The following CHCHD3 variants were observed in gnomAD, a reference collection of about 807,000 sequenced individuals.
The protein encoded by CHCHD3 is coiled-coil-helix-coiled-coil-helix domain containing 3, also known as MICOS complex subunit MIC19.
CHCHD3 carries 20 observed loss-of-function variants against 38.2 expected under a neutral mutation model. The observed-to-expected ratio is 0.52, with a 90% CI of 0.37 to 0.76. The LOEUF (loss-of-function observed/expected upper bound fraction) is 0.76. Among genes scored for constraint, CHCHD3 ranks in the 30% least tolerant of loss-of-function variants. The pLI, the probability that CHCHD3 is intolerant of heterozygous loss-of-function variation, is 0.00. For synonymous variants in CHCHD3, 82 were observed against 100.0 expected (o/e 0.82, Z 1.07); for missense variants, 245 against 279.2 (o/e 0.88, Z 0.87).
At position 132,806,105 on chromosome 7, in the gene CHCHD3, G is replaced by A. The variant is rs73160274; in HGVS notation, c.525-9528C>T. Among the ~76,000 whole-genome samples, 1,118 of 152,260 alleles carry A rather than the reference G, an allele frequency of 7.3e-3. 8 individuals carry two copies. The highest frequency in any genetic ancestry group is 0.012 in the Non-Finnish European group (808 of 68,032). On this transcript the variant is annotated intron_variant, in intron 6 of 7. Coordinates refer to ENST00000262570, the MANE Select transcript of CHCHD3 (RefSeq NM_017812.4). Reference sequence around the variant, plus strand: ...CCTGGGGGTGACAGGGAAGGAAGATGGAGCAGTAGGGGAACTGACCGTGGA... The same window carrying A: ...CCTGGGGGTGACAGGGAAGGAAGATAGAGCAGTAGGGGAACTGACCGTGGA...
intron 4 of CHCHD3, among the ~76,000 whole-genome samples, chr7:132,930,209 C>G (rs995156804): frequency 6.7e-6 from 1 of 148,220 alleles, no homozygotes; most frequent in East Asian, 2.0e-4. Flanking sequence ...TTCTGTTACC[C>G]AGGCTGGAGT....
chr7:132,796,011 T>C (rs902659614), intron 7 of CHCHD3, among the ~76,000 whole-genome samples: 5 of 151,204 alleles, frequency 3.3e-5, no homozygotes, highest in Non-Finnish European at 4.4e-5. Flanking sequence ...GGACAGTGAC[T>C]GAACGGTGGT....
At chr7:132,809,413 C>T (rs544331619) in intron 6 of CHCHD3, among the ~76,000 whole-genome samples, 1 of 152,118 alleles carries the variant, frequency 6.6e-6, no homozygotes, top group East Asian at 1.9e-4. Context: ...AGTCTATCTG[C>T]CTCAGCTGCC....
chr7:133,001,792 T>C (rs993350079), intron 3 of CHCHD3, among the ~76,000 whole-genome samples: 2 of 152,172 alleles, frequency 1.3e-5, no homozygotes, highest in Admixed American at 1.3e-4. Flanking sequence ...ACTATACAAC[T>C]AGGAAACGAT....
At chr7:132,977,126 T>C (rs1326712529) in intron 3 of CHCHD3, among the ~76,000 whole-genome samples, 2 of 152,190 alleles carry the variant, frequency 1.3e-5, no homozygotes, top group Non-Finnish European at 2.9e-5. Context: ...TTAACACCAC[T>C]GGATATGTGT....
chr7:132,961,018 C>A (rs1238206217), intron 4 of CHCHD3, among the ~76,000 whole-genome samples: 1 of 152,104 alleles, frequency 6.6e-6, no homozygotes, highest in African/African-American at 2.4e-5. Flanking sequence ...GCATCTCACA[C>A]CTGTCATCCC....
intron 2 of CHCHD3, among the ~76,000 whole-genome samples, chr7:133,030,075 C>T (rs184321599): frequency 1.3e-5 from 2 of 150,912 alleles, no homozygotes; most frequent in African/African-American, 4.8e-5. Context: ...AAGTAATTAC[C>T]TTAGCTACAA....
At chr7:132,822,113 T>A (rs13243820) in intron 6 of CHCHD3, among the ~76,000 whole-genome samples, 1 of 152,216 alleles carries the variant, frequency 6.6e-6, no homozygotes, top group Non-Finnish European at 1.5e-5. Flanking sequence ...ATTTGTCTTG[T>A]CGTCTGTTAG....
chr7:132,805,606 C>T (rs1386338765), intron 6 of CHCHD3, among the ~76,000 whole-genome samples: 1 of 152,048 alleles, frequency 6.6e-6, no homozygotes, highest in Non-Finnish European at 1.5e-5. Context: ...AAGCCACTGG[C>T]CTTTCTAAAT....
intron 2 of CHCHD3, among the ~76,000 whole-genome samples, chr7:133,056,066 T>G (rs1689533674): frequency 6.6e-6 from 1 of 151,956 alleles, no homozygotes; most frequent in Non-Finnish European, 1.5e-5. Context: ...GAGGATTGTT[T>G]GCACCCAGAA....
chr7:133,070,276 C>T (rs760949628), intron 1 of CHCHD3, 47 bp from the exon 2 acceptor site: 12 of 1,499,708 alleles, frequency 8.0e-6, no homozygotes, highest in Non-Finnish European at 1.1e-5. Context: ...ACAGCAAGAT[C>T]AAAAACCAGT....
In CHCHD3 at chr7:132,978,280, A is replaced by G. The variant is rs144435304; in HGVS notation, c.252-2994T>C. Among the ~76,000 whole-genome samples, 334 of 152,248 alleles carry G rather than the reference A, an allele frequency of 2.2e-3. 2 individuals carry two copies. Among genetic ancestry groups the G allele is most frequent in the African/African-American group, 7.7e-3 (320 of 41,550 alleles). The stretch of plus-strand genomic sequence containing the variant: ...CACTAACTACAATGCCATCTCCATC[A>G]TCTTTTCCAATTTTTCACCAATAAA... On this transcript the variant is annotated intron_variant, in intron 3 of 7. Transcript: ENST00000262570.
intron 6 of CHCHD3, among the ~76,000 whole-genome samples, chr7:132,818,052 G>A (rs889063842): frequency 6.6e-6 from 1 of 152,158 alleles, no homozygotes; most frequent in African/African-American, 2.4e-5. Context: ...ATGGAAAGTA[G>A]CAAGAGATGA....
chr7:132,975,355 A>T, intron 3 of CHCHD3, 69 bp from the exon 4 acceptor site: 1 of 1,316,586 alleles, frequency 7.6e-7, no homozygotes, highest in Non-Finnish European at 1.1e-6. Context: ...CTATCAAATG[A>T]AATAATTTAA....
At chr7:132,897,066 G>C (rs1393945898) in intron 4 of CHCHD3, among the ~76,000 whole-genome samples, 1 of 152,266 alleles carries the variant, frequency 6.6e-6, no homozygotes, top group East Asian at 1.9e-4. Flanking sequence ...TGAGTACAGA[G>C]TGGGAAGAAA....
At chr7:132,990,249 T>G (rs1248938707) in intron 3 of CHCHD3, among the ~76,000 whole-genome samples, 3 of 152,178 alleles carry the variant, frequency 2.0e-5, no homozygotes, top group Non-Finnish European at 4.4e-5. Context: ...ATTACTATTG[T>G]TTAGAAAATA....
chr7:132,971,255 C>A (rs905779802), intron 4 of CHCHD3, among the ~76,000 whole-genome samples: 2 of 152,124 alleles, frequency 1.3e-5, no homozygotes, highest in Non-Finnish European at 2.9e-5. Flanking sequence ...ATATTTTGAA[C>A]GTGAGTTGCT....
At chr7:132,805,949 T>G (rs1178032957) in intron 6 of CHCHD3, among the ~76,000 whole-genome samples, 1 of 152,214 alleles carries the variant, frequency 6.6e-6, no homozygotes, top group African/African-American at 2.4e-5. Flanking sequence ...CACCACGATC[T>G]AAAGCGTGGA....
chr7:132,795,700 C>G (rs1049349376), intron 7 of CHCHD3, among the ~76,000 whole-genome samples: 1 of 152,142 alleles, frequency 6.6e-6, no homozygotes, highest in African/African-American at 2.4e-5. Context: ...AAGGAATCAA[C>G]GTTTCCAACA....
Sources: allele counts gnomAD v4.1 joint callset (sites outside exome capture counted in the v4.1 genomes callset), GRCh38; gene constraint gnomAD v4.1.1; transcripts MANE v1.5; gene names NCBI Gene and HGNC (gene_info 2026-07-23, HGNC 2026-07-21).